FAM184A: variants seen among roughly 807,000 people sequenced by gnomAD.
FAM184A encodes the protein family with sequence similarity 184 member A.
FAM184A carries 99 observed loss-of-function variants against 143.8 expected under a neutral mutation model. The observed-to-expected ratio is 0.69, with a 90% CI of 0.58 to 0.81. The LOEUF is 0.81. FAM184A is among the 40% of genes least tolerant of loss of function. FAM184A has a pLI of 0.00. For missense variants in FAM184A, 1,217 were observed against 1,310.5 expected (o/e 0.93, Z 1.10); for synonymous variants, 427 against 446.4 (o/e 0.96, Z 0.55).
At position 118,975,176 on chromosome 6, in the gene FAM184A, T is replaced by C. The variant is rs775101110; in HGVS notation, c.2616A>G (p.Leu872=). 6.2e-7 allele frequency: 1 copy of C among 1,609,054 alleles called. No individual in the cohort carries two copies. Among genetic ancestry groups the C allele is most frequent in the Non-Finnish European group, 8.5e-7 (1 of 1,177,722 alleles). The change falls in exon 13 of 18, where the codon CTA becomes CTG. Residue 872 remains leucine, a synonymous_variant. Coordinates refer to ENST00000338891, the MANE Select transcript of FAM184A (RefSeq NM_024581.6). ...GCTCTCTGTGTCTTAATTCCTCTTG[T>C]AGATCTGTAATTCTACATATGTGCT... ...SKEHICRITD[L]QEELRHREHH...
intron 1 of FAM184A, among the ~76,000 whole-genome samples, chr6:119,136,599 G>A (rs1361982343): frequency 6.6e-6 from 1 of 152,144 alleles, no homozygotes; most frequent in African/African-American, 2.4e-5. Context: ...AATTGAAGAA[G>A]CAACTGACCA....
intron 1 of FAM184A, among the ~76,000 whole-genome samples, chr6:119,050,563 TTGGGAGGC>T (rs1786716628): frequency 6.7e-6 from 1 of 149,524 alleles, no homozygotes; most frequent in Non-Finnish European, 1.5e-5. Flanking sequence ...TCCCAGCACT[TTGGGAGGC>T]TGAGGCGGGT....
intron 9 of FAM184A, among the ~76,000 whole-genome samples, chr6:118,986,970 G>A (rs1784216152): frequency 6.6e-6 from 1 of 152,078 alleles, no homozygotes; most frequent in Non-Finnish European, 1.5e-5. Context: ...GCTGCTAAAT[G>A]TATTTGCATA....
chr6:119,027,109 C>T (rs1367821082), intron 1 of FAM184A, among the ~76,000 whole-genome samples: 1 of 152,154 alleles, frequency 6.6e-6, no homozygotes, highest in Non-Finnish European at 1.5e-5. Context: ...TTACCTCTTT[C>T]AACCAATTGC....
intron 1 of FAM184A, among the ~76,000 whole-genome samples, chr6:119,096,818 C>T (rs894238013): frequency 2.0e-5 from 3 of 152,114 alleles, no homozygotes; most frequent in Admixed American, 2.0e-4. Context: ...TCCCCACCCC[C>T]ACTCCTCCCG....
At chr6:119,067,043 AG>A (rs1214094370) in intron 1 of FAM184A, among the ~76,000 whole-genome samples, 1 of 152,232 alleles carries the variant, frequency 6.6e-6, no homozygotes, top group African/African-American at 2.4e-5. Context: ...TATTTTTTAA[AG>A]GTTTTGCTCC....
chr6:119,127,971 C>A (rs1789418577), intron 1 of FAM184A, among the ~76,000 whole-genome samples: 1 of 152,156 alleles, frequency 6.6e-6, no homozygotes, highest in African/African-American at 2.4e-5. Context: ...AATGGACCCC[C>A]TGCTTGGCCC....
Position 118,961,747 on chromosome 6 carries a change from GAGA to G in FAM184A, c.3341+11_3341+13del, listed in dbSNP as rs1783332316. On this transcript the variant is annotated intron_variant, in intron 17 of 17. Coordinates refer to ENST00000338891, the MANE Select transcript of FAM184A (RefSeq NM_024581.6). ...AAAAAGAAAAGAAAAAAACATTGGT[GAGA>G]CGGGTCTCACCTCAAAAATGTCTTG... 6.2e-7 allele frequency: 1 copy of G among 1,605,754 alleles called. No individual in the cohort carries two copies. The highest frequency in any genetic ancestry group is 8.5e-7 in the Non-Finnish European group (1 of 1,174,008).
chr6:119,067,989 A>C (rs1225733890), intron 1 of FAM184A, among the ~76,000 whole-genome samples: 3 of 140,964 alleles, frequency 2.1e-5, no homozygotes, highest in Non-Finnish European at 4.5e-5. Context: ...TAAATAAATA[A>C]ACAAACAAAC....
intron 1 of FAM184A, among the ~76,000 whole-genome samples, chr6:119,127,361 C>G (rs1789398155): frequency 6.6e-6 from 1 of 152,128 alleles, no homozygotes; most frequent in Admixed American, 6.5e-5. Context: ...TTGGAGGACA[C>G]CTTAGAATTC....
At chr6:119,110,220 C>G (rs996901726) in intron 1 of FAM184A, among the ~76,000 whole-genome samples, 1 of 152,174 alleles carries the variant, frequency 6.6e-6, no homozygotes, top group Non-Finnish European at 1.5e-5. Context: ...CTCTGCAGTG[C>G]TTAACATGTG....
chr6:119,107,461 T>G (rs1244663751), intron 1 of FAM184A, among the ~76,000 whole-genome samples: 1 of 152,142 alleles, frequency 6.6e-6, no homozygotes, highest in Non-Finnish European at 1.5e-5. Flanking sequence ...CATAAACTGC[T>G]TAGAAGCAGA....
At chr6:119,136,653 C>A (rs980946473) in intron 1 of FAM184A, among the ~76,000 whole-genome samples, 1 of 152,150 alleles carries the variant, frequency 6.6e-6, no homozygotes, top group Non-Finnish European at 1.5e-5. Flanking sequence ...CTCCAGGAAT[C>A]TAGATAATGG....
chr6:119,097,542 T>C lies in FAM184A; in HGVS notation c.-202+51536A>G, dbSNP rs76746891. On this transcript the variant is annotated intron_variant, in intron 1 of 16. Coordinates refer to the FAM184A transcript ENST00000352896. ...ACTATTTTACATATACATTTATATA[T>C]ATATAAGTCTTTTCTACCACGGTCC... Among the ~76,000 whole-genome samples, 552 of 152,310 alleles carry C rather than the reference T, an allele frequency of 3.6e-3. 2 individuals are homozygous for C. Among genetic ancestry groups the C allele is most frequent in the African/African-American group, 0.013 (526 of 41,572 alleles).
At chr6:118,970,196 G>A (rs1018102355) in intron 14 of FAM184A, among the ~76,000 whole-genome samples, 1 of 150,024 alleles carries the variant, frequency 6.7e-6, no homozygotes, top group Non-Finnish European at 1.5e-5. Context: ...TAGAGACGGG[G>A]TTTTACCATG....
At chr6:119,098,369 A>G (rs1788561928) in intron 1 of FAM184A, among the ~76,000 whole-genome samples, 4 of 152,220 alleles carry the variant, frequency 2.6e-5, no homozygotes, top group Admixed American at 2.6e-4. Context: ...AGACTAATAC[A>G]GAGGGGATTT....
intron 2 of FAM184A, 130 bp from the exon 3 acceptor site, chr6:119,023,210 G>C: frequency 1.1e-6 from 1 of 873,254 alleles, no homozygotes; most frequent in Non-Finnish European, 1.7e-6. Context: ...TTTTAAATCT[G>C]TAAGTATTAG....
intron 1 of FAM184A, among the ~76,000 whole-genome samples, chr6:119,107,381 G>A (rs1334656807): frequency 6.6e-6 from 1 of 152,134 alleles, no homozygotes; most frequent in Non-Finnish European, 1.5e-5. Context: ...GCATGGAATG[G>A]CAAGCTACCA....
chr6:119,047,470 G>A (rs188484804), intron 1 of FAM184A, among the ~76,000 whole-genome samples: 4 of 152,268 alleles, frequency 2.6e-5, no homozygotes, highest in Admixed American at 2.6e-4. Context: ...TTAAGATTTG[G>A]AAGTAACCTA....
Sources: allele counts gnomAD v4.1 joint callset (sites outside exome capture counted in the v4.1 genomes callset), GRCh38; gene constraint gnomAD v4.1.1; transcripts MANE v1.5; gene names NCBI Gene and HGNC (gene_info 2026-07-23, HGNC 2026-07-21).